GRM7: variants seen among roughly 807,000 people sequenced by gnomAD.
GRM7 encodes glutamate metabotropic receptor 7.
Under a neutral mutation model 84.5 loss-of-function variants are expected in GRM7, and 35 were observed. The ratio of observed to expected loss-of-function variants is 0.41; its 90% CI spans 0.32 to 0.55. The LOEUF (loss-of-function observed/expected upper bound fraction) is 0.55. GRM7 is among the 20% of genes least tolerant of loss of function. The probability of loss-of-function intolerance (pLI) is 0.19; values close to 1 mark genes in which losing one functional copy is unlikely to be tolerated. For missense variants in GRM7, 1,003 were observed against 1,194.6 expected (o/e 0.84, Z 2.36); for synonymous variants, 487 against 455.1 (o/e 1.07, Z -0.89).
intron 1 of GRM7, among the ~76,000 whole-genome samples, chr3:7,072,108 AC>A (rs1234122856): frequency 6.6e-6 from 1 of 152,058 alleles, no homozygotes; most frequent in Non-Finnish European, 1.5e-5. Flanking sequence ...ATTCCAGGTG[AC>A]CGTAATATGC....
At chr3:7,402,219 A>T (rs1250466619) in intron 4 of GRM7, among the ~76,000 whole-genome samples, 2 of 152,192 alleles carry the variant, frequency 1.3e-5, no homozygotes, top group African/African-American at 4.8e-5. Context: ...GTTACCAAGG[A>T]AGAGAATCTG....
chr3:7,452,309 C>T (rs1479376387), intron 5 of GRM7, among the ~76,000 whole-genome samples: 1 of 152,094 alleles, frequency 6.6e-6, no homozygotes, highest in Non-Finnish European at 1.5e-5. Context: ...AATGTGGCAA[C>T]CCAGCTTCTG....
chr3:7,495,520 ACT>A (rs1396531493), intron 7 of GRM7, among the ~76,000 whole-genome samples: 1 of 151,696 alleles, frequency 6.6e-6, no homozygotes, highest in Non-Finnish European at 1.5e-5. Flanking sequence ...CCTGGACCAA[ACT>A]CTTGCTACAG....
chr3:7,451,431 A>G (rs1296842332), intron 5 of GRM7, among the ~76,000 whole-genome samples: 1 of 152,220 alleles, frequency 6.6e-6, no homozygotes, highest in South Asian at 2.1e-4. Flanking sequence ...TTGGGAATTA[A>G]GTATGATGGT....
intron 2 of GRM7, among the ~76,000 whole-genome samples, chr3:7,160,963 G>T (rs929917451): frequency 6.6e-6 from 1 of 152,088 alleles, no homozygotes; most frequent in African/African-American, 2.4e-5. Context: ...AATATTTGTT[G>T]CTGGAATAAA....
At chr3:7,444,078 C>G (rs922350121) in intron 5 of GRM7, among the ~76,000 whole-genome samples, 1 of 152,156 alleles carries the variant, frequency 6.6e-6, no homozygotes, top group Non-Finnish European at 1.5e-5. Context: ...ATGCTTTTAG[C>G]AACGATTGAT....
intron 2 of GRM7, among the ~76,000 whole-genome samples, chr3:7,247,120 T>A (rs1697792432): frequency 1.3e-5 from 2 of 152,078 alleles, no homozygotes; most frequent in Admixed American, 6.6e-5. Context: ...AAAAAATAAA[T>A]CTTAACCCTT....
intron 1 of GRM7, among the ~76,000 whole-genome samples, chr3:7,144,189 T>G (rs2125064869): frequency 6.6e-6 from 1 of 152,296 alleles, no homozygotes; most frequent in South Asian, 2.1e-4. Flanking sequence ...ATTTTAGTAA[T>G]AATTCAGCAA....
At chr3:7,060,306 T>G (rs1360595324) in intron 1 of GRM7, among the ~76,000 whole-genome samples, 10 of 151,862 alleles carry the variant, frequency 6.6e-5, no homozygotes, top group Non-Finnish European at 5.9e-5. Flanking sequence ...AACGGCTTTC[T>G]AACAGGATCT....
chr3:7,688,660 C>T (rs1454578151), intron 9 of GRM7, among the ~76,000 whole-genome samples: 2 of 152,102 alleles, frequency 1.3e-5, no homozygotes, highest in East Asian at 1.9e-4. Flanking sequence ...TAAGGTTATG[C>T]GTTCAAATCC....
intron 1 of GRM7, among the ~76,000 whole-genome samples, chr3:7,007,758 T>G (rs1439116971): frequency 6.6e-6 from 1 of 152,228 alleles, no homozygotes; most frequent in African/African-American, 2.4e-5. Flanking sequence ...AGATTGTTTC[T>G]TGAAGAAGAA....
rs567233145 is a variant in GRM7 at position 7,140,044 on chromosome 3, A to G, written c.520-6408A>G. Among the ~76,000 whole-genome samples, 14 of 152,198 alleles carry G rather than the reference A, an allele frequency of 9.2e-5. No homozygotes were observed. The South Asian group carries it at 2.5e-3, about 27-fold the overall frequency. On this transcript the variant is annotated intron_variant, in intron 1 of 9. Transcript: ENST00000357716. ...TTCAAAGGAGACCTACAAATGGCCA[A>G]CAGGTACATGGAAAGGTGCACAACA...
chr3:7,561,570 T>C (rs1306401459), intron 7 of GRM7: 2 of 456,336 alleles, frequency 4.4e-6, no homozygotes, highest in Non-Finnish European at 8.8e-6. Context: ...GTACCCTTAG[T>C]AGTGTAAGCA....
intron 7 of GRM7, among the ~76,000 whole-genome samples, chr3:7,500,221 G>T (rs1417109505): frequency 6.6e-6 from 1 of 152,120 alleles, no homozygotes; most frequent in Non-Finnish European, 1.5e-5. Flanking sequence ...TTGGTTTTTA[G>T]CTTCCTTTTG....
At chr3:7,307,633 G>T (rs182278048) in intron 4 of GRM7, among the ~76,000 whole-genome samples, 1 of 152,296 alleles carries the variant, frequency 6.6e-6, no homozygotes, top group Admixed American at 6.5e-5. Context: ...AAAATCTCAT[G>T]AGTCACCCAT....
chr3:7,516,164 CAAA>C (rs35256206), intron 7 of GRM7, among the ~76,000 whole-genome samples: 3 of 31,426 alleles, frequency 9.5e-5, no homozygotes, highest in South Asian at 1.5e-3. Flanking sequence ...CACCATATCT[CAAA>C]AAAAAAAAAA....
intron 2 of GRM7, among the ~76,000 whole-genome samples, chr3:7,215,476 AAC>A (rs1696571458): frequency 6.6e-6 from 1 of 152,008 alleles, no homozygotes; most frequent in South Asian, 2.1e-4. Flanking sequence ...CACCCTGGCT[AAC>A]ACAGTGAAAC....
At chr3:6,887,699 A>G (rs1695755477) in intron 1 of GRM7, among the ~76,000 whole-genome samples, 1 of 152,130 alleles carries the variant, frequency 6.6e-6, no homozygotes, top group Non-Finnish European at 1.5e-5. Flanking sequence ...ATACGTGTGC[A>G]TGTGTTTTTA....
At chr3:7,485,806 A>G (rs1229301366) in intron 7 of GRM7, among the ~76,000 whole-genome samples, 1 of 152,216 alleles carries the variant, frequency 6.6e-6, no homozygotes, top group Non-Finnish European at 1.5e-5. Flanking sequence ...AGAATCGCTG[A>G]TGCCACTGCA....
Sources: gnomAD v4.1 joint callset for allele counts (sites outside exome capture counted in the v4.1 genomes callset) on GRCh38, gnomAD v4.1.1 for gene constraint, MANE v1.5 for transcripts, NCBI Gene and HGNC (gene_info 2026-07-23, HGNC 2026-07-21) for gene names.